PDE4D: variants seen among roughly 807,000 people sequenced by gnomAD.
PDE4D encodes the protein phosphodiesterase 4D.
A neutral mutation model predicts 87.4 loss-of-function variants in PDE4D; 24 were observed. The ratio of observed to expected loss-of-function variants is 0.27; its 90% confidence interval spans 0.20 to 0.39. PDE4D has a LOEUF of 0.39. PDE4D is among the 10% of genes least tolerant of loss of function. PDE4D has a pLI of 1.00. For synonymous variants in PDE4D, 384 were observed against 383.2 expected, an observed-to-expected ratio of 1.00 and a Z score of -0.02; for missense variants, 714 against 1,041.0, an observed-to-expected ratio of 0.69 and a Z score of 4.32.
intron 1 of PDE4D, among the ~76,000 whole-genome samples, chr5:60,245,868 C>T (rs1562254396): frequency 6.6e-6 from 1 of 151,392 alleles, no homozygotes; most frequent in Non-Finnish European, 1.5e-5. Flanking sequence ...TTTGCTAGCC[C>T]AACAGGGTGA....
chr5:59,677,462 G>T (rs1416088074), intron 1 of PDE4D, among the ~76,000 whole-genome samples: 1 of 152,100 alleles, frequency 6.6e-6, no homozygotes, highest in African/African-American at 2.4e-5. Context: ...ACCATCTAGG[G>T]CAGATGAGCA....
chr5:59,052,438 G>T (rs1761691136), intron 5 of PDE4D, among the ~76,000 whole-genome samples: 1 of 152,162 alleles, frequency 6.6e-6, no homozygotes. Flanking sequence ...TAAATGTGTG[G>T]CCTTGAGCTA....
intron 1 of PDE4D, among the ~76,000 whole-genome samples, chr5:59,315,284 C>CACCTG (rs1400998117): frequency 6.6e-6 from 1 of 152,114 alleles, no homozygotes; most frequent in Non-Finnish European, 1.5e-5. Context: ...AGAAAACATA[C>CACCTG]ACCTGTTTCC....
intron 1 of PDE4D, among the ~76,000 whole-genome samples, chr5:60,392,182 C>A (rs961226994): frequency 1.3e-5 from 2 of 152,090 alleles, no homozygotes; most frequent in East Asian, 3.8e-4. Flanking sequence ...CAAAGATACC[C>A]TGAGTTTGTA....
chr5:58,994,712 A>C (rs935277720), intron 6 of PDE4D, among the ~76,000 whole-genome samples: 2 of 152,182 alleles, frequency 1.3e-5, no homozygotes, highest in African/African-American at 4.8e-5. Context: ...CCGTTTGCTA[A>C]ATAACTTCCA....
chr5:59,584,245 A>G (rs1824720214), intron 1 of PDE4D, among the ~76,000 whole-genome samples: 1 of 152,236 alleles, frequency 6.6e-6, no homozygotes, highest in Admixed American at 6.5e-5. Context: ...GAGGAAAACA[A>G]CAACCATTGA....
intron 2 of PDE4D, among the ~76,000 whole-genome samples, chr5:60,109,055 C>T (rs1445885536): frequency 6.6e-6 from 1 of 151,432 alleles, no homozygotes; most frequent in African/African-American, 2.4e-5. Context: ...AAAGAAACTA[C>T]CATCAGAGTG....
At chr5:60,240,056 T>G (rs770924521) in intron 1 of PDE4D, among the ~76,000 whole-genome samples, 4 of 152,270 alleles carry the variant, frequency 2.6e-5, no homozygotes, top group African/African-American at 7.2e-5. Context: ...GTTTCCTTAC[T>G]CAAACATGCC....
intron 1 of PDE4D, among the ~76,000 whole-genome samples, chr5:59,499,261 C>A (rs189919487): frequency 1.5e-4 from 22 of 150,826 alleles, no homozygotes; most frequent in African/African-American, 4.9e-4. Context: ...TAGAGTACAG[C>A]AATGGCAGCG....
chr5:60,257,268 G>T (rs114074784), intron 1 of PDE4D, among the ~76,000 whole-genome samples: 31 of 145,284 alleles, frequency 2.1e-4, no homozygotes, highest in African/African-American at 8.4e-4. Context: ...AAAAGAAAGA[G>T]AGAAAGAGAA....
At chr5:59,875,460 CAAAAAAAAAAAAAA>C (rs3062667) in intron 1 of PDE4D, among the ~76,000 whole-genome samples, 9 of 39,690 alleles carry the variant, frequency 2.3e-4, no homozygotes, top group Admixed American at 8.6e-4. Context: ...ACCTCCGTCT[CAAAAAAAAAAAAAA>C]AAAAAAAAAA....
intron 1 of PDE4D, among the ~76,000 whole-genome samples, chr5:59,619,871 T>C (rs1461284037): frequency 6.6e-6 from 1 of 152,104 alleles, no homozygotes; most frequent in African/African-American, 2.4e-5. Flanking sequence ...TATTTGGCTG[T>C]TAGAGGGAGG....
At chr5:59,513,911 G>A (rs1810705125) in intron 1 of PDE4D, among the ~76,000 whole-genome samples, 1 of 152,096 alleles carries the variant, frequency 6.6e-6, no homozygotes, top group Non-Finnish European at 1.5e-5. Flanking sequence ...GGAAAACTTA[G>A]AGCGAAAGTC....
intron 1 of PDE4D, among the ~76,000 whole-genome samples, chr5:60,493,580 ACAATCATTCATTCATT>A (rs1303147676): frequency 1.1e-4 from 15 of 130,706 alleles, no homozygotes; most frequent in African/African-American, 4.1e-4. Context: ...ACTTCTATAC[ACAATCATTCATTCATT>A]CATTCATTCA....
At chr5:59,590,640 A>T (rs1319725680) in intron 1 of PDE4D, among the ~76,000 whole-genome samples, 6 of 152,172 alleles carry the variant, frequency 3.9e-5, no homozygotes, top group African/African-American at 1.2e-4. Context: ...AACCTCAGTG[A>T]AGTCCCTGCA....
intron 3 of PDE4D, among the ~76,000 whole-genome samples, chr5:59,956,985 G>T (rs1318209179): frequency 1.3e-5 from 2 of 152,070 alleles, no homozygotes; most frequent in East Asian, 3.8e-4. Flanking sequence ...AAATATATAT[G>T]TGGCCAGATA....
chr5:60,055,946 AG>A (rs1188855169), intron 2 of PDE4D, among the ~76,000 whole-genome samples: 5 of 152,206 alleles, frequency 3.3e-5, no homozygotes, highest in African/African-American at 1.2e-4. Context: ...GAAGCAAGGA[AG>A]GGAAGAAAGG....
intron 1 of PDE4D, among the ~76,000 whole-genome samples, chr5:59,824,946 G>T (rs891415197): frequency 6.6e-6 from 1 of 152,134 alleles, no homozygotes; most frequent in African/African-American, 2.4e-5. Flanking sequence ...CTCTTTCTTT[G>T]TCTCAATTTC....
intron 1 of PDE4D, among the ~76,000 whole-genome samples, chr5:60,319,877 G>C (rs1756048048): frequency 6.6e-6 from 1 of 152,292 alleles, no homozygotes; most frequent in Middle Eastern, 3.4e-3. Context: ...GCCGTGTGAG[G>C]TGTCAGTCTG....
Sources: allele counts gnomAD v4.1 joint callset (sites outside exome capture counted in the v4.1 genomes callset), GRCh38; gene constraint gnomAD v4.1.1; transcripts MANE v1.5; gene names NCBI Gene and HGNC (gene_info 2026-07-23, HGNC 2026-07-21).